Variants in CNTNAP2 observed in about 807,000 individuals in gnomAD.
CNTNAP2 encodes the protein contactin associated protein 2.
A neutral mutation model predicts 155.2 loss-of-function variants in CNTNAP2; 98 were observed. That is an observed-to-expected ratio of 0.63 (90% CI 0.54 to 0.75). The LOEUF is 0.75. Ranked by LOEUF, CNTNAP2 falls within the 30% of genes least tolerant of loss-of-function variation. The probability of loss-of-function intolerance (pLI) is 0.00; values close to 1 mark genes in which losing one functional copy is unlikely to be tolerated. For missense variants in CNTNAP2, 1,727 were observed against 1,688.1 expected (o/e 1.02, Z -0.40); for synonymous variants, 651 against 631.2 (o/e 1.03, Z -0.47).
Position 148,214,170 on chromosome 7 carries a change from G to A in CNTNAP2, c.3011-3118G>A, listed in dbSNP as rs965259345. ...TACCTGATCCTGCACTTACCCCTCT[G>A]CATTCTAATAATCTGTTTACCTGAA... is the stretch of plus-strand genomic sequence containing the variant. On this transcript the variant is annotated intron_variant, in intron 18 of 23. Coordinates refer to ENST00000361727, the MANE Select transcript of CNTNAP2 (RefSeq NM_014141.6). 5.3e-5 allele frequency among the ~76,000 whole-genome samples: 8 copies of A among 152,290 alleles called. No individual in the cohort carries two copies. The East Asian group carries it at 1.5e-3, about 29-fold the overall frequency.
intron 3 of CNTNAP2, among the ~76,000 whole-genome samples, chr7:146,847,678 T>G (rs1794785826): frequency 6.6e-6 from 1 of 152,182 alleles, no homozygotes; most frequent in Admixed American, 6.5e-5. Flanking sequence ...AGTGTATTGG[T>G]GTGTGTACTG....
At chr7:146,332,052 CAT>C (rs1389981024) in intron 1 of CNTNAP2, among the ~76,000 whole-genome samples, 2 of 151,764 alleles carry the variant, frequency 1.3e-5, no homozygotes, top group African/African-American at 4.8e-5. Flanking sequence ...AATATATATA[CAT>C]ATGTGTGCAT....
intron 13 of CNTNAP2, among the ~76,000 whole-genome samples, chr7:147,902,968 TC>T (rs533441282): frequency 3.2e-4 from 49 of 152,198 alleles, no homozygotes; most frequent in Non-Finnish European, 6.3e-4. Context: ...TATAATGACT[TC>T]TTTTCCTCTG....
intron 1 of CNTNAP2, among the ~76,000 whole-genome samples, chr7:146,721,216 C>A (rs1441369569): frequency 7.7e-6 from 1 of 130,468 alleles, no homozygotes; most frequent in Non-Finnish European, 1.5e-5. Flanking sequence ...TGTATATATT[C>A]TCTATATATA....
At chr7:146,344,972 T>G (rs1417312862) in intron 1 of CNTNAP2, among the ~76,000 whole-genome samples, 2 of 152,208 alleles carry the variant, frequency 1.3e-5, no homozygotes, top group African/African-American at 4.8e-5. Flanking sequence ...GTCTGGAGAA[T>G]AATATGAAAT....
intron 1 of CNTNAP2, among the ~76,000 whole-genome samples, chr7:146,683,716 G>A (rs541993194): frequency 3.3e-5 from 5 of 152,208 alleles, no homozygotes; most frequent in African/African-American, 1.2e-4. Flanking sequence ...AGCCTAAGAG[G>A]GTCATGAATG....
chr7:147,030,580 C>A (rs35764231), intron 3 of CNTNAP2, among the ~76,000 whole-genome samples: 6,211 of 152,174 alleles, frequency 0.041, 145 homozygotes, highest in African/African-American at 0.055. Flanking sequence ...TCCCCAATAT[C>A]TTCTTATTTC....
intron 16 of CNTNAP2, among the ~76,000 whole-genome samples, chr7:148,138,696 C>T (rs1377202364): frequency 6.6e-6 from 1 of 152,122 alleles, no homozygotes; most frequent in Non-Finnish European, 1.5e-5. Context: ...ACTCTATCCC[C>T]AGAGTAACCA....
intron 9 of CNTNAP2, among the ~76,000 whole-genome samples, chr7:147,384,470 G>A (rs1584915630): frequency 6.6e-6 from 1 of 152,128 alleles, no homozygotes; most frequent in Non-Finnish European, 1.5e-5. Flanking sequence ...AGAGTCAGGA[G>A]TCAGAATATT....
intron 3 of CNTNAP2, among the ~76,000 whole-genome samples, chr7:146,865,382 G>A (rs991847132): frequency 6.6e-6 from 1 of 151,630 alleles, no homozygotes; most frequent in Non-Finnish European, 1.5e-5. Flanking sequence ...AAAATTGGAG[G>A]AAATACAAGA....
intron 1 of CNTNAP2, among the ~76,000 whole-genome samples, chr7:146,717,215 A>G (rs1801204298): frequency 6.6e-6 from 1 of 152,070 alleles, no homozygotes; most frequent in Admixed American, 6.6e-5. Context: ...TTGTGTCACA[A>G]ATGTTAAGCT....
chr7:146,931,868 C>T (rs577352032), intron 3 of CNTNAP2, among the ~76,000 whole-genome samples: 19 of 152,222 alleles, frequency 1.2e-4, no homozygotes, highest in African/African-American at 4.6e-4. Flanking sequence ...ACACATACAC[C>T]CTCCCAAGAC....
intron 8 of CNTNAP2, among the ~76,000 whole-genome samples, chr7:147,166,371 T>C (rs1802112945): frequency 6.6e-6 from 1 of 152,058 alleles, no homozygotes; most frequent in Admixed American, 6.6e-5. Context: ...AATGATACAA[T>C]GGACTTTGGG....
intron 4 of CNTNAP2, among the ~76,000 whole-genome samples, chr7:147,067,501 G>T (rs1461135710): frequency 6.6e-6 from 1 of 151,978 alleles, no homozygotes; most frequent in Non-Finnish European, 1.5e-5. Flanking sequence ...CCAAAGAATG[G>T]TATTTTTTCA....
chr7:146,201,863 C>T (rs1266807733), intron 1 of CNTNAP2, among the ~76,000 whole-genome samples: 1 of 151,996 alleles, frequency 6.6e-6, no homozygotes, highest in African/African-American at 2.4e-5. Flanking sequence ...TAGAGAAACA[C>T]ACAATAAAAT....
chr7:146,276,709 G>C (rs556053992), intron 1 of CNTNAP2, among the ~76,000 whole-genome samples: 1 of 152,216 alleles, frequency 6.6e-6, no homozygotes, highest in South Asian at 2.1e-4. Context: ...ATGTGACTCT[G>C]TGCCTTGACC....
chr7:146,427,699 A>C (rs573335395), intron 1 of CNTNAP2, among the ~76,000 whole-genome samples: 20 of 152,324 alleles, frequency 1.3e-4, no homozygotes, highest in African/African-American at 4.3e-4. Context: ...ATAGCTATAT[A>C]TGCTCATTAT....
intron 8 of CNTNAP2, among the ~76,000 whole-genome samples, chr7:147,189,748 T>TTTG (rs10671638): frequency 0.12 from 18,433 of 151,582 alleles, 1,136 homozygotes; most frequent in African/African-American, 0.13. Flanking sequence ...ACCACTTTTT[T>TTTG]TTGTTGTTGT....
intron 4 of CNTNAP2, among the ~76,000 whole-genome samples, chr7:147,091,296 T>C (rs553809495): frequency 4.6e-5 from 7 of 152,118 alleles, no homozygotes; most frequent in African/African-American, 1.7e-4. Context: ...TGCTATTGAC[T>C]CAACTACGTA....
Sources: allele counts gnomAD v4.1 joint callset (sites outside exome capture counted in the v4.1 genomes callset), GRCh38; gene constraint gnomAD v4.1.1; transcripts MANE v1.5; gene names NCBI Gene and HGNC (gene_info 2026-07-23, HGNC 2026-07-21).